Variants in CTNNA2 observed in about 807,000 individuals in gnomAD.
The protein encoded by CTNNA2 is catenin alpha 2, also known as catenin alpha-2.
In CTNNA2, 42 loss-of-function variants were observed where a neutral mutation model predicts 101.0. The ratio of observed to expected loss-of-function variants is 0.42; its 90% CI spans 0.32 to 0.54. CTNNA2 has a LOEUF of 0.54. Ranked by LOEUF, CTNNA2 falls within the 20% of genes least tolerant of loss-of-function variation. The pLI is 0.14. For missense variants in CTNNA2, 871 were observed against 1,223.1 expected (o/e 0.71, Z 4.29); for synonymous variants, 450 against 456.4 (o/e 0.99, Z 0.18).
At chr2:79,650,857 A>G (rs938049917) in intron 1 of CTNNA2, among the ~76,000 whole-genome samples, 5 of 141,036 alleles carry the variant, frequency 3.5e-5, no homozygotes, top group East Asian at 2.2e-4. Flanking sequence ...TCATTGTTCA[A>G]TTCCCACCTA....
intron 7 of CTNNA2, among the ~76,000 whole-genome samples, chr2:80,022,612 T>A (rs1426369338): frequency 6.6e-6 from 1 of 151,704 alleles, no homozygotes; most frequent in Non-Finnish European, 1.5e-5. Context: ...AAAATAAAGT[T>A]AAAAAATAAG....
chr2:79,625,625 G>C (rs1325388563), intron 1 of CTNNA2, among the ~76,000 whole-genome samples: 3 of 152,152 alleles, frequency 2.0e-5, no homozygotes, highest in Non-Finnish European at 4.4e-5. Flanking sequence ...AGTTTCTCAG[G>C]TGTGTTTACA....
chr2:79,476,342 CAG>C (rs1204959694), intron 4 of CTNNA2, among the ~76,000 whole-genome samples: 5 of 152,198 alleles, frequency 3.3e-5, no homozygotes, highest in African/African-American at 9.7e-5. Context: ...ACAGAAGAAA[CAG>C]AGAAATCCTG....
chr2:80,100,738 G>A (rs147941166), intron 7 of CTNNA2, among the ~76,000 whole-genome samples: 243 of 152,280 alleles, frequency 1.6e-3, no homozygotes, highest in African/African-American at 3.9e-3. Context: ...GCAACTCTTC[G>A]TCTGAGGCTT....
chr2:80,042,077 G>A (rs891691754), intron 7 of CTNNA2, among the ~76,000 whole-genome samples: 1 of 152,174 alleles, frequency 6.6e-6, no homozygotes, highest in Non-Finnish European at 1.5e-5. Flanking sequence ...CAGTTCTCCT[G>A]CCTCAGCTTC....
chr2:80,226,136 C>A (rs1708874423), intron 7 of CTNNA2, among the ~76,000 whole-genome samples: 1 of 152,168 alleles, frequency 6.6e-6, no homozygotes, highest in Admixed American at 6.5e-5. Context: ...CCTTCCATGA[C>A]TTCAGCTAAT....
chr2:80,526,628 G>A lies in CTNNA2; in HGVS notation c.1291-18354G>A, dbSNP rs1039816499. On this transcript the variant is annotated intron_variant, in intron 9 of 18. Transcript: ENST00000402739. ...GATTACAGACGTGAGCCACTGTGCC[G>A]GGCCTCTCTGTGCCTCAATTTTCTC... 5.9e-5 allele frequency among the ~76,000 whole-genome samples: 9 copies of A among 152,046 alleles called. No individual in the cohort carries two copies. In the East Asian group the frequency reaches 9.6e-4, roughly 16 times the overall value.
chr2:79,550,561 A>G (rs1674034707), intron 1 of CTNNA2, among the ~76,000 whole-genome samples: 1 of 152,254 alleles, frequency 6.6e-6, no homozygotes, highest in East Asian at 1.9e-4. Flanking sequence ...ATTGTAGATG[A>G]GAAGGCCAAA....
intron 7 of CTNNA2, among the ~76,000 whole-genome samples, chr2:80,125,323 C>G (rs558234169): frequency 6.6e-6 from 1 of 152,130 alleles, no homozygotes; most frequent in Non-Finnish European, 1.5e-5. Flanking sequence ...GAGCCTTCCC[C>G]AAATGGGATC....
chr2:79,876,361 G>T (rs1474786039), intron 6 of CTNNA2, among the ~76,000 whole-genome samples: 1 of 151,822 alleles, frequency 6.6e-6, no homozygotes, highest in South Asian at 2.1e-4. Flanking sequence ...AAACACAAAT[G>T]GACTCATCCA....
At chr2:80,266,236 A>C (rs1260114758) in intron 7 of CTNNA2, among the ~76,000 whole-genome samples, 1 of 152,200 alleles carries the variant, frequency 6.6e-6, no homozygotes, top group African/African-American at 2.4e-5. Flanking sequence ...CCTTATGCTA[A>C]TGTTCTGTGT....
chr2:80,100,574 C>G (rs1228999806), intron 7 of CTNNA2, among the ~76,000 whole-genome samples: 2 of 152,124 alleles, frequency 1.3e-5, no homozygotes, highest in African/African-American at 4.8e-5. Context: ...TGTCATGAGA[C>G]TACTCTTGAA....
intron 1 of CTNNA2, among the ~76,000 whole-genome samples, chr2:79,550,205 G>A (rs1674009341): frequency 6.6e-6 from 1 of 152,180 alleles, no homozygotes; most frequent in African/African-American, 2.4e-5. Flanking sequence ...TTACCTTTAT[G>A]ATCTTCAGCT....
intron 4 of CTNNA2, among the ~76,000 whole-genome samples, chr2:79,483,208 A>T (rs1326504330): frequency 6.6e-6 from 1 of 152,206 alleles, no homozygotes; most frequent in African/African-American, 2.4e-5. Context: ...TGAGCAATAC[A>T]CTAACTTTTA....
rs151331161 is a variant in CTNNA2, at chr2:80,629,953, A to T, written c.2574+10725A>T. On this transcript the variant is annotated intron_variant, in intron 18 of 18. Transcript: ENST00000402739. ...AGTCTTCCCTCTGGAAGGGTGGAAG[A>T]TGGCAGATAAGATAGTTCCAGATTT... Among the ~76,000 whole-genome samples the T allele has an allele frequency of 1.6e-3, 238 of 152,316 alleles. 1 individual carries two copies. The highest frequency in any genetic ancestry group is 3.0e-3 in the Non-Finnish European group (201 of 68,038).
Position 79,631,529 on chromosome 2 carries a change from T to C in CTNNA2, c.-5-20023T>C, listed in dbSNP as rs141685875. On this transcript the variant is annotated intron_variant, in intron 1 of 18. Transcript: ENST00000402739. ...TCATATGTATATGTAACATACACAT[T>C]TTAGACGGAGGAGCTGGGGGCATGT... 3.0e-3 allele frequency among the ~76,000 whole-genome samples: 463 copies of C among 152,328 alleles called. 2 individuals are homozygous for C. Among genetic ancestry groups the C allele is most frequent in the Non-Finnish European group, 4.8e-3 (326 of 68,030 alleles).
chr2:79,660,845 A>G lies in CTNNA2; in HGVS notation c.102+9187A>G, dbSNP rs548995650. The stretch of plus-strand genomic sequence containing the variant: ...CCTTTTAAAATAAGGAAAAAAGGGA[A>G]AAAAGCCCCAAATTCCAAAGTGGGC... On this transcript the variant is annotated intron_variant, in intron 2 of 18. Coordinates refer to ENST00000402739, the MANE Select transcript of CTNNA2 (RefSeq NM_001282597.3). 4.6e-5 allele frequency among the ~76,000 whole-genome samples: 7 copies of G among 152,318 alleles called. No homozygotes were observed. The East Asian group carries it at 7.7e-4, about 17-fold the overall frequency.
At chr2:80,407,951 A>G (rs1339733764) in intron 8 of CTNNA2, among the ~76,000 whole-genome samples, 1 of 152,190 alleles carries the variant, frequency 6.6e-6, no homozygotes, top group African/African-American at 2.4e-5. Flanking sequence ...GGAGTGTGGT[A>G]AATGGTTTTC....
chr2:79,474,665 CTT>C (rs1671033266), intron 4 of CTNNA2, among the ~76,000 whole-genome samples: 1 of 152,038 alleles, frequency 6.6e-6, no homozygotes, highest in Non-Finnish European at 1.5e-5. Context: ...AATGAACTGT[CTT>C]TTTAATGCCT....
Sources: allele counts gnomAD v4.1 joint callset (sites outside exome capture counted in the v4.1 genomes callset), GRCh38; gene constraint gnomAD v4.1.1; transcripts MANE v1.5; gene names NCBI Gene and HGNC (gene_info 2026-07-23, HGNC 2026-07-21).